Variants in SPATA17 observed in about 807,000 individuals in gnomAD.
SPATA17 encodes the protein spermatogenesis associated 17, also known as spermatogenesis-associated protein 17.
In SPATA17, 53 loss-of-function variants were observed where a neutral mutation model predicts 62.2. That is an observed-to-expected ratio of 0.85 (90% CI 0.68 to 1.07). SPATA17 has a LOEUF of 1.07. SPATA17 is among the 50% of genes least tolerant of loss of function. The probability of loss-of-function intolerance (pLI) is 0.00; values close to 1 mark genes in which losing one functional copy is unlikely to be tolerated. For synonymous variants in SPATA17, 146 were observed against 146.8 expected (o/e 0.99, Z 0.04); for missense variants, 466 against 425.5 (o/e 1.10, Z -0.84).
chr1:217,851,057 A>T (rs1316398319), intron 9 of SPATA17, among the ~76,000 whole-genome samples: 1 of 152,104 alleles, frequency 6.6e-6, no homozygotes, highest in Non-Finnish European at 1.5e-5. Context: ...GAACTTAATA[A>T]ATATTTGCTG....
chr1:217,850,919 G>A (rs1472497426), intron 9 of SPATA17, among the ~76,000 whole-genome samples: 1 of 152,086 alleles, frequency 6.6e-6, no homozygotes, highest in Non-Finnish European at 1.5e-5. Context: ...TGTGAGAAAG[G>A]TATGATTATG....
chr1:217,682,711 C>A (rs1023462363), intron 4 of SPATA17, among the ~76,000 whole-genome samples: 1 of 151,908 alleles, frequency 6.6e-6, no homozygotes, highest in Admixed American at 6.6e-5. Flanking sequence ...AAGCAAGAAC[C>A]CTTACATAGT....
intron 5 of SPATA17, among the ~76,000 whole-genome samples, chr1:217,712,717 A>T (rs908991013): frequency 2.0e-5 from 3 of 152,114 alleles, no homozygotes; most frequent in South Asian, 2.1e-4. Flanking sequence ...TATTAATAAA[A>T]ATCTCATATT....
At chr1:217,848,063 G>T (rs1351465403) in intron 9 of SPATA17, among the ~76,000 whole-genome samples, 1 of 151,884 alleles carries the variant, frequency 6.6e-6, no homozygotes. Flanking sequence ...ATTACCAAGA[G>T]GAATACAGCT....
intron 6 of SPATA17, among the ~76,000 whole-genome samples, chr1:217,742,507 A>T (rs1052527126): frequency 6.6e-6 from 1 of 152,164 alleles, no homozygotes; most frequent in Non-Finnish European, 1.5e-5. Flanking sequence ...ACCATTTTTC[A>T]ACCGTTTCTA....
intron 5 of SPATA17, among the ~76,000 whole-genome samples, chr1:217,730,364 G>A (rs945249011): frequency 5.3e-5 from 8 of 151,676 alleles, no homozygotes; most frequent in South Asian, 2.1e-4. Flanking sequence ...TTACAGGCAC[G>A]CACCACCACA....
At chr1:217,821,204 T>C (rs1358760636) in intron 9 of SPATA17, among the ~76,000 whole-genome samples, 3 of 152,062 alleles carry the variant, frequency 2.0e-5, no homozygotes, top group African/African-American at 7.2e-5. Flanking sequence ...TGAAATTTTG[T>C]GGAGATAAAG....
intron 7 of SPATA17, among the ~76,000 whole-genome samples, chr1:217,777,997 T>G (rs1673633921): frequency 1.3e-5 from 2 of 152,178 alleles, no homozygotes; most frequent in African/African-American, 4.8e-5. Flanking sequence ...TTTTGAATTA[T>G]GTACATTACT....
At chr1:217,841,213 T>C (rs891569926) in intron 9 of SPATA17, among the ~76,000 whole-genome samples, 1 of 152,032 alleles carries the variant, frequency 6.6e-6, no homozygotes, top group African/African-American at 2.4e-5. Flanking sequence ...GTTACTTACA[T>C]TTATTTTTTA....
In SPATA17 at chr1:217,647,725, AT is replaced by A. The variant is rs200647656; in HGVS notation, c.69-1146del. On this transcript the variant is annotated intron_variant, in intron 1 of 10. Transcript: ENST00000366933. ...CACTTTAGTCAAGCCTCTTTTTAAA[AT>A]TTTTTTTTTTATTTTGAGACAGAGT... Among the ~76,000 whole-genome samples, 188 of 148,554 alleles carry A rather than the reference AT, an allele frequency of 1.3e-3. 1 individual carries two copies. Among genetic ancestry groups the A allele is most frequent in the Non-Finnish European group, 2.3e-3 (155 of 66,690 alleles).
At chr1:217,776,693 A>G (rs908562557) in intron 7 of SPATA17, among the ~76,000 whole-genome samples, 1 of 151,642 alleles carries the variant, frequency 6.6e-6, no homozygotes, top group African/African-American at 2.4e-5. Flanking sequence ...AAAAAAAAAA[A>G]AAAGATGTCA....
intron 10 of SPATA17, among the ~76,000 whole-genome samples, chr1:217,865,416 T>C (rs996414192): frequency 1.3e-5 from 2 of 152,186 alleles, no homozygotes; most frequent in Non-Finnish European, 2.9e-5. Context: ...CTAGCTGTTA[T>C]CATTAATGCT....
At chr1:217,700,895 C>G (rs1274520213) in intron 5 of SPATA17, among the ~76,000 whole-genome samples, 1 of 151,002 alleles carries the variant, frequency 6.6e-6, no homozygotes, top group Non-Finnish European at 1.5e-5. Flanking sequence ...TATGAGGCAC[C>G]GCACCCAGAC....
intron 8 of SPATA17, among the ~76,000 whole-genome samples, chr1:217,789,832 C>A (rs567548441): frequency 6.6e-6 from 1 of 151,910 alleles, no homozygotes; most frequent in Non-Finnish European, 1.5e-5. Context: ...GTCAGGAGTT[C>A]GAGACCAGCC....
intron 9 of SPATA17, among the ~76,000 whole-genome samples, chr1:217,821,530 A>T (rs1429456593): frequency 6.6e-6 from 1 of 152,096 alleles, no homozygotes; most frequent in Non-Finnish European, 1.5e-5. Flanking sequence ...ACTTAGCAGG[A>T]GTTGATTCAA....
At chr1:217,708,878 A>C (rs929555174) in intron 5 of SPATA17, among the ~76,000 whole-genome samples, 1 of 152,200 alleles carries the variant, frequency 6.6e-6, no homozygotes, top group African/African-American at 2.4e-5. Flanking sequence ...TAGGTTCAAC[A>C]TACAGAAATC....
intron 8 of SPATA17, among the ~76,000 whole-genome samples, chr1:217,790,663 C>T (rs1228095969): frequency 6.6e-6 from 1 of 152,082 alleles, no homozygotes; most frequent in African/African-American, 2.4e-5. Context: ...CTCCTGACCT[C>T]GTGATCCGCC....
At chr1:217,807,851 G>T (rs978858974) in intron 9 of SPATA17, among the ~76,000 whole-genome samples, 1 of 152,150 alleles carries the variant, frequency 6.6e-6, no homozygotes, top group African/African-American at 2.4e-5. Flanking sequence ...TTAACCTGTT[G>T]TTTCTTGTAG....
Position 217,660,198 on chromosome 1 carries a change from T to C in SPATA17, c.241-8835T>C, listed in dbSNP as rs139870691. On this transcript the variant is annotated intron_variant, in intron 3 of 10. Transcript: ENST00000366933. ...CAAGACTTTACTTGAAGATCAACTT[T>C]TCCTAATCTTAGTAGAAAGTAAAAT... Among the ~76,000 whole-genome samples, 901 of 152,308 alleles carry C rather than the reference T, an allele frequency of 5.9e-3. 8 individuals carry two copies. Among genetic ancestry groups the C allele is most frequent in the African/African-American group, 0.02 (835 of 41,550 alleles).
Sources: gnomAD v4.1 joint callset for allele counts (sites outside exome capture counted in the v4.1 genomes callset) on GRCh38, gnomAD v4.1.1 for gene constraint, MANE v1.5 for transcripts, NCBI Gene and HGNC (gene_info 2026-07-23, HGNC 2026-07-21) for gene names.